The following FRMD4B variants were observed in gnomAD, a reference collection of about 807,000 sequenced individuals.
FRMD4B encodes the protein FERM domain containing 4B.
FRMD4B carries 74 observed loss-of-function variants against 141.5 expected under a neutral mutation model. The observed-to-expected ratio is 0.52, with a 90% CI of 0.43 to 0.63. The LOEUF (loss-of-function observed/expected upper bound fraction) is 0.63, where lower values mean the gene tolerates loss of function less well. Ranked by LOEUF, FRMD4B falls within the 30% of genes least tolerant of loss-of-function variation. The pLI is 0.00. For missense variants in FRMD4B, 1,366 were observed against 1,253.4 expected, an observed-to-expected ratio of 1.09 and a Z score of -1.36; for synonymous variants, 506 against 467.9, an observed-to-expected ratio of 1.08 and a Z score of -1.05.
At chr3:69,395,999 T>G (rs1157189493) in intron 2 of FRMD4B, among the ~76,000 whole-genome samples, 4 of 152,178 alleles carry the variant, frequency 2.6e-5, no homozygotes, top group Non-Finnish European at 5.9e-5. Flanking sequence ...CTCAGTCTGG[T>G]GGGTTTATAG....
chr3:69,497,802 T>C (rs1231367369), intron 1 of FRMD4B, among the ~76,000 whole-genome samples: 1 of 152,014 alleles, frequency 6.6e-6, no homozygotes, highest in Non-Finnish European at 1.5e-5. Flanking sequence ...TGCACTGCAG[T>C]CTCAAACTCC....
chr3:69,313,022 T>C (rs1701653617), intron 2 of FRMD4B, among the ~76,000 whole-genome samples: 1 of 152,238 alleles, frequency 6.6e-6, no homozygotes, highest in Admixed American at 6.5e-5. Context: ...AGTTCACAGC[T>C]AATGAAACTG....
intron 21 of FRMD4B, among the ~76,000 whole-genome samples, chr3:69,179,135 T>C (rs1302639670): frequency 1.3e-5 from 2 of 152,152 alleles, no homozygotes; most frequent in African/African-American, 2.4e-5. Flanking sequence ...TCCACCCCTG[T>C]AGTTCTTTAA....
chr3:69,535,958 T>C (rs1701077787), intron 1 of FRMD4B: 1 of 390,494 alleles, frequency 2.6e-6, no homozygotes, highest in Admixed American at 3.3e-5. Flanking sequence ...CCCCAGCATC[T>C]CCTTGGCTGC....
intron 2 of FRMD4B, among the ~76,000 whole-genome samples, chr3:69,401,741 G>A (rs1207832716): frequency 6.6e-6 from 1 of 152,054 alleles, no homozygotes; most frequent in African/African-American, 2.4e-5. Context: ...TAGAGATGGG[G>A]TTTTGCCTTG....
chr3:69,497,671 C>T (rs1706424614), intron 1 of FRMD4B, among the ~76,000 whole-genome samples: 2 of 152,122 alleles, frequency 1.3e-5, no homozygotes, highest in Admixed American at 6.5e-5. Context: ...ACTTAGGAAA[C>T]AGCAACTATA....
At chr3:69,453,799 C>T (rs541984825) in intron 1 of FRMD4B, among the ~76,000 whole-genome samples, 4 of 152,282 alleles carry the variant, frequency 2.6e-5, no homozygotes, top group Admixed American at 6.5e-5. Flanking sequence ...TAAGGAAATC[C>T]ATGTAGCCAA....
At chr3:69,504,740 A>G (rs564914833) in intron 1 of FRMD4B, among the ~76,000 whole-genome samples, 29 of 152,330 alleles carry the variant, frequency 1.9e-4, no homozygotes, top group Non-Finnish European at 3.8e-4. Context: ...TCCAAGATGA[A>G]TAATCTTATA....
chr3:69,314,892 G>A (rs185599460), intron 1 of FRMD4B, among the ~76,000 whole-genome samples: 48 of 152,252 alleles, frequency 3.2e-4, no homozygotes, highest in African/African-American at 1.1e-3. Context: ...CTCTGGGCAT[G>A]GTGGCATGCA....
At chr3:69,293,523 G>A (rs1314050768) in intron 4 of FRMD4B, among the ~76,000 whole-genome samples, 1 of 151,902 alleles carries the variant, frequency 6.6e-6, no homozygotes, top group African/African-American at 2.4e-5. Context: ...CGATGTGACT[G>A]TAATAAAAGG....
chr3:69,352,943 A>C (rs1055686948), intron 1 of FRMD4B, among the ~76,000 whole-genome samples: 2 of 152,214 alleles, frequency 1.3e-5, no homozygotes, highest in African/African-American at 4.8e-5. Context: ...CCAAGTGTTC[A>C]CAAAAACAGG....
intron 3 of FRMD4B, among the ~76,000 whole-genome samples, chr3:69,304,952 A>G (rs1360126204): frequency 6.6e-6 from 1 of 152,232 alleles, no homozygotes; most frequent in Non-Finnish European, 1.5e-5. Context: ...AGGAAAAATG[A>G]GCATAAATAA....
At chr3:69,395,447 A>G (rs1704458083) in intron 2 of FRMD4B, among the ~76,000 whole-genome samples, 1 of 152,232 alleles carries the variant, frequency 6.6e-6, no homozygotes, top group Non-Finnish European at 1.5e-5. Context: ...AAGTATTAAA[A>G]TATCTCAAGG....
At position 69,203,068 on chromosome 3, in the gene FRMD4B, T is replaced by C. The variant is rs1410603792; in HGVS notation, c.877-4294A>G. Among the ~76,000 whole-genome samples the C allele has an allele frequency of 2.0e-5, 3 of 151,106 alleles. No homozygotes were observed. In the East Asian group the frequency reaches 5.8e-4, roughly 29 times the overall value. ...ATATTGTCATCACAAGAAATTCCCT[T>C]AACCCTAAGATGAAGTAAAAAAAAA... On this transcript the variant is annotated intron_variant, in intron 11 of 22. Coordinates refer to ENST00000398540, the MANE Select transcript of FRMD4B (RefSeq NM_015123.3).
intron 1 of FRMD4B, among the ~76,000 whole-genome samples, chr3:69,473,454 C>G (rs1187034084): frequency 2.0e-5 from 3 of 152,170 alleles, no homozygotes; most frequent in African/African-American, 7.2e-5. Context: ...TCTGAATCTC[C>G]ATCTCACTCC....
chr3:69,326,427 T>C (rs1233306585), intron 1 of FRMD4B, among the ~76,000 whole-genome samples: 1 of 152,342 alleles, frequency 6.6e-6, no homozygotes, highest in East Asian at 1.9e-4. Context: ...TGTCCATATG[T>C]CCAAATCTGG....
Position 69,181,526 on chromosome 3 carries a change from A to T in FRMD4B, c.2224T>A (p.Cys742Ser). The T allele has an allele frequency of 6.2e-7, 1 of 1,613,988 alleles. No homozygotes were observed. Among genetic ancestry groups the T allele is most frequent in the African/African-American group, 1.3e-5 (1 of 75,052 alleles). The change falls in exon 21 of 23, where the codon TGT becomes AGT. Residue 742 changes from cysteine (C) to serine (S), a missense_variant. Cys to Ser is a moderately radical substitution (Grantham distance 112). Coordinates refer to ENST00000398540, the MANE Select transcript of FRMD4B (RefSeq NM_015123.3). ...TAGGGGCCGGTAACTGGTGTCACACAGTAATACTCTGTGCTTGATTGGCTT... is the reference window on the plus strand; with the variant it reads ...TAGGGGCCGGTAACTGGTGTCACACTGTAATACTCTGTGCTTGATTGGCTT... The part of the protein sequence containing the change: ...YTSQSSTEYY[C>S]VTPVTGPYYT...
Position 69,414,388 on chromosome 3 carries a change from G to T in FRMD4B, c.-1+18246C>A, listed in dbSNP as rs148345234. Among the ~76,000 whole-genome samples the T allele has an allele frequency of 3.3e-5, 5 of 152,166 alleles. No individual in the cohort carries two copies. In the East Asian group the frequency reaches 9.6e-4, roughly 29 times the overall value. On this transcript the variant is annotated intron_variant, in intron 2 of 5. Transcript: ENST00000459638. Reference sequence around the variant, plus strand: ...CTGCACTAAAAGTATGCTTCCCCTCGCTTTTTACAAATCTATACTATGTGG... The same window carrying T: ...CTGCACTAAAAGTATGCTTCCCCTCTCTTTTTACAAATCTATACTATGTGG...
chr3:69,540,632 A>ATATATATAT (rs1204897443), intron 1 of FRMD4B, among the ~76,000 whole-genome samples: 2 of 73,296 alleles, frequency 2.7e-5, no homozygotes, highest in African/African-American at 1.6e-4. Flanking sequence ...AAAAAAAAAA[A>ATATATATAT]AAAAATATAT....
Sources: allele counts gnomAD v4.1 joint callset (sites outside exome capture counted in the v4.1 genomes callset), GRCh38; gene constraint gnomAD v4.1.1; transcripts MANE v1.5; gene names NCBI Gene and HGNC (gene_info 2026-07-23, HGNC 2026-07-21).